PPP1R3B: variants seen among roughly 807,000 people sequenced by gnomAD.
The protein encoded by PPP1R3B is protein phosphatase 1 regulatory subunit 3B, also known as PP1 subunit R4.
In PPP1R3B, 8 loss-of-function variants were observed where a neutral mutation model predicts 14.6. The ratio of observed to expected loss-of-function variants is 0.55; its 90% CI spans 0.32 to 0.99. PPP1R3B has a LOEUF of 0.99. PPP1R3B is among the 50% of genes least tolerant of loss of function. The pLI is 0.04. For missense variants in PPP1R3B, 452 were observed against 360.1 expected (o/e 1.26, Z -2.07); for synonymous variants, 169 against 142.0 (o/e 1.19, Z -1.35).
At position 9,137,713 on chromosome 8, in the gene PPP1R3B, G is replaced by C. The variant is rs537849871; in HGVS notation, c.*3081C>G. Reference sequence around the variant, plus strand: ...ATTCTTCAGACCCCCATACATCACTGAATGACAGCCCTGATGAGGAAACTC... The same window carrying C: ...ATTCTTCAGACCCCCATACATCACTCAATGACAGCCCTGATGAGGAAACTC... On this transcript the variant is annotated 3_prime_UTR_variant, in exon 2 of 2. Transcript: ENST00000310455. 1 of 152,374 alleles carries C rather than the reference G, an allele frequency of 6.6e-6. No homozygotes were observed. Among genetic ancestry groups the C allele is most frequent in the African/African-American group, 2.4e-5 (1 of 41,562 alleles). The allele number at this position is 152,374 out of a possible 1,614,324, so 9.4% of individuals were successfully genotyped here.
rs753330923 is a variant in PPP1R3B, at chr8:9,138,069, C to A, written c.*2725G>T. 1.3e-5 allele frequency: 2 copies of A among 152,156 alleles called. No homozygotes were observed. The highest frequency in any genetic ancestry group is 4.8e-5 in the African/African-American group (2 of 41,432). 9.4% of individuals were successfully genotyped at this position (152,156 alleles called of 1,614,324 possible). A position where few individuals can be genotyped will look rare whatever the true frequency, so the allele number is the denominator to read the frequency against. Reference sequence around the variant, plus strand: ...TCTTATGAACAGAGTGATCCTTAGTCGGGTAACATGTCAATGACAGTGCAC... The same window carrying A: ...TCTTATGAACAGAGTGATCCTTAGTAGGGTAACATGTCAATGACAGTGCAC... On this transcript the variant is annotated 3_prime_UTR_variant, in exon 2 of 2. Coordinates refer to ENST00000310455, the MANE Select transcript of PPP1R3B (RefSeq NM_024607.4).
intron 1 of PPP1R3B, among the ~76,000 whole-genome samples, chr8:9,149,525 A>C (rs887159947): frequency 3.9e-5 from 6 of 152,186 alleles, no homozygotes; most frequent in East Asian, 1.9e-4. Flanking sequence ...ACAAAACCAA[A>C]CAAACAAAAA....
intron 1 of PPP1R3B, among the ~76,000 whole-genome samples, chr8:9,150,287 TC>T (rs1403088989): frequency 2.0e-5 from 3 of 152,164 alleles, no homozygotes; most frequent in Admixed American, 6.5e-5. Flanking sequence ...GTCCAGTCTT[TC>T]CTCTGTTTTC....
Position 9,140,681 on chromosome 8 carries a change from G to C in PPP1R3B, c.*113C>G. On this transcript the variant is annotated 3_prime_UTR_variant, in exon 2 of 2. Coordinates refer to ENST00000310455, the MANE Select transcript of PPP1R3B (RefSeq NM_024607.4). ...AGAGGATCCTTTTATTTTCCCAAAC[G>C]GGGCCTCATGGAAGTTCCACGTTGC... The C allele has an allele frequency of 9.1e-7, 1 of 1,098,050 alleles. No individual in the cohort carries two copies. The highest frequency in any genetic ancestry group is 1.3e-6 in the Non-Finnish European group (1 of 767,750). The allele number at this position is 1,098,050 out of a possible 1,614,324, so 68.0% of individuals were successfully genotyped here. A position where few individuals can be genotyped will look rare whatever the true frequency, so the allele number is the denominator to read the frequency against.
In PPP1R3B at chr8:9,141,447, G is replaced by C; in HGVS notation, c.205C>G (p.Gln69Glu). ...VKKRVSFADN[Q>E]GLALTMVKVF... is the part of the protein sequence containing the mutation. The stretch of plus-strand genomic sequence containing the variant: ...TTGACCATTGTCAGGGCCAGCCCCT[G>C]GTTGTCTGCGAAGGACACCCGCTTT... Residue 69 changes from glutamine to glutamate, a missense_variant, in exon 2 of 2, where the codon CAG becomes GAG. Coordinates refer to ENST00000310455, the MANE Select transcript of PPP1R3B (RefSeq NM_024607.4). The C allele has an allele frequency of 6.2e-7, 1 of 1,614,170 alleles. No individual in the cohort carries two copies. The highest frequency in any genetic ancestry group is 8.5e-7 in the Non-Finnish European group (1 of 1,180,044).
Position 9,137,511 on chromosome 8 carries a change from G to C in PPP1R3B, c.*3283C>G, listed in dbSNP as rs908373889. 2 of 152,260 alleles carry C rather than the reference G, an allele frequency of 1.3e-5. No homozygotes were observed. The highest frequency in any genetic ancestry group is 1.5e-5 in the Non-Finnish European group (1 of 68,066). The allele number at this position is 152,260 out of a possible 1,614,324, so 9.4% of individuals were successfully genotyped here. ...AGTAAGAAACCTGTCACCCTCTGAAGTGTGTAGGCTTATCTACTGATGATG... is the reference window on the plus strand; with the variant it reads ...AGTAAGAAACCTGTCACCCTCTGAACTGTGTAGGCTTATCTACTGATGATG... On this transcript the variant is annotated 3_prime_UTR_variant, in exon 2 of 2. Coordinates refer to ENST00000310455, the MANE Select transcript of PPP1R3B (RefSeq NM_024607.4).
At chr8:9,144,022 C>G (rs1801163367) in intron 1 of PPP1R3B, among the ~76,000 whole-genome samples, 1 of 151,410 alleles carries the variant, frequency 6.6e-6, no homozygotes, top group Non-Finnish European at 1.5e-5. Flanking sequence ...GAAAAATAAG[C>G]AAAGAACATG....
chr8:9,147,451 A>C (rs548234772), intron 1 of PPP1R3B, among the ~76,000 whole-genome samples: 1 of 152,274 alleles, frequency 6.6e-6, no homozygotes, highest in African/African-American at 2.4e-5. Context: ...AGCACAGGTT[A>C]TCTGCAAGTT....
upstream of PPP1R3B, among the ~76,000 whole-genome samples, chr8:9,150,880 A>T (rs1254823521): frequency 6.6e-6 from 1 of 152,192 alleles, no homozygotes; most frequent in Non-Finnish European, 1.5e-5. Flanking sequence ...CTGAGAGCCT[A>T]CCAAGTGTAT....
chr8:9,136,422 CTT>C lies in PPP1R3B; in HGVS notation c.*4370_*4371del, dbSNP rs1800891130. 1 of 152,196 alleles carries C rather than the reference CTT, an allele frequency of 6.6e-6. No homozygotes were observed. The highest frequency in any genetic ancestry group is 2.4e-5 in the African/African-American group (1 of 41,454). 9.4% of individuals were successfully genotyped at this position (152,196 alleles called of 1,614,324 possible). On this transcript the variant is annotated 3_prime_UTR_variant, in exon 2 of 2. Transcript: ENST00000310455. ...CATGCAAAAATTTCTTGACAAGGCA[CTT>C]TTAGGTATAAAATGAAGATGAGTCC...
intron 1 of PPP1R3B, among the ~76,000 whole-genome samples, chr8:9,148,589 G>A (rs1302155076): frequency 1.3e-5 from 2 of 152,154 alleles, no homozygotes; most frequent in East Asian, 3.9e-4. Context: ...CATGCTTGAG[G>A]GTAGATTACA....
chr8:9,138,192 TA>T lies in PPP1R3B; in HGVS notation c.*2601del, dbSNP rs932273262. The stretch of plus-strand genomic sequence containing the variant: ...GTTTTGCTTCCATTTGAGTTCGATT[TA>T]TGCTATTAATAGTTCTGATCACCAA... On this transcript the variant is annotated 3_prime_UTR_variant, in exon 2 of 2. Transcript: ENST00000310455. 2.6e-5 allele frequency: 4 copies of T among 152,192 alleles called. No homozygotes were observed. Among genetic ancestry groups the T allele is most frequent in the African/African-American group, 4.8e-5 (2 of 41,440 alleles). The allele number at this position is 152,192 out of a possible 1,614,324, so 9.4% of individuals were successfully genotyped here.
At chr8:9,142,808 G>T (rs147507131) in intron 1 of PPP1R3B, among the ~76,000 whole-genome samples, 61 of 152,184 alleles carry the variant, frequency 4.0e-4, no homozygotes, top group African/African-American at 1.3e-3. Context: ...CATCCTCCAG[G>T]TTCATCCCCG....
At chr8:9,144,145 T>C (rs1801165582) in intron 1 of PPP1R3B, among the ~76,000 whole-genome samples, 1 of 151,992 alleles carries the variant, frequency 6.6e-6, no homozygotes, top group South Asian at 2.1e-4. Flanking sequence ...TTTTTATTTA[T>C]TGAATTAGGA....
chr8:9,148,752 C>A (rs1029561134), intron 1 of PPP1R3B, among the ~76,000 whole-genome samples: 5 of 152,220 alleles, frequency 3.3e-5, no homozygotes, highest in African/African-American at 1.2e-4. Context: ...CAGAAAATAA[C>A]CCTATGACCT....
At chr8:9,143,213 A>T (rs1453069794) in intron 1 of PPP1R3B, among the ~76,000 whole-genome samples, 1 of 152,182 alleles carries the variant, frequency 6.6e-6, no homozygotes, top group East Asian at 1.9e-4. Flanking sequence ...AACGGGTGTG[A>T]CGTGACATCT....
chr8:9,141,791 G>A lies in PPP1R3B; in HGVS notation c.-17-123C>T, dbSNP rs988656416. ...TATTTCCTTTTATCTATGCCCACCT[G>A]GCTACAGGTCAGGATTAACTCTGGT... On this transcript the variant is annotated intron_variant, in intron 1 of 1. Transcript: ENST00000310455. 6.6e-6 allele frequency: 6 copies of A among 907,212 alleles called. No individual in the cohort carries two copies. In the African/African-American group the frequency reaches 6.8e-5, roughly 10 times the overall value. The allele number at this position is 907,212 out of a possible 1,614,324, so 56.2% of individuals were successfully genotyped here.
chr8:9,151,398 A>C (rs330930), upstream of PPP1R3B: 55,506 of 156,280 alleles, frequency 0.36, 11,275 homozygotes, highest in East Asian at 0.81. Context: ...GCGGCAGCAT[A>C]CGCCCTGGGG....
At chr8:9,147,641 A>G (rs763909538) in intron 1 of PPP1R3B, among the ~76,000 whole-genome samples, 2 of 152,026 alleles carry the variant, frequency 1.3e-5, no homozygotes, top group Non-Finnish European at 2.9e-5. Context: ...CAGGCTGAAG[A>G]GACTTAGCTG....
Sources: gnomAD v4.1 joint callset for allele counts (sites outside exome capture counted in the v4.1 genomes callset) on GRCh38, gnomAD v4.1.1 for gene constraint, MANE v1.5 for transcripts, NCBI Gene and HGNC (gene_info 2026-07-23, HGNC 2026-07-21) for gene names.